Variants in TLE3 observed in about 807,000 individuals in gnomAD.
The protein encoded by TLE3 is TLE family member 3, transcriptional corepressor.
TLE3 carries 14 observed loss-of-function variants against 93.0 expected under a neutral mutation model. The ratio of observed to expected loss-of-function variants is 0.15; its 90% CI spans 0.10 to 0.24. TLE3 has a LOEUF of 0.24. TLE3 is among the 10% of genes least tolerant of loss of function. TLE3 has a pLI of 1.00. For missense variants in TLE3, 693 were observed against 1,046.6 expected (o/e 0.66, Z 4.66); for synonymous variants, 451 against 425.0 (o/e 1.06, Z -0.75).
intron 3 of TLE3, 138 bp downstream of exon 3, chr15:70,095,440 C>T (rs1470590939): frequency 2.0e-6 from 3 of 1,533,464 alleles, no homozygotes; most frequent in African/African-American, 2.8e-5. Flanking sequence ...GAGGGCAAGA[C>T]CAGATTATGC....
intron 1 of TLE3, 31 bp downstream of exon 1, chr15:70,096,744 T>C: frequency 7.4e-6 from 12 of 1,612,398 alleles, no homozygotes; most frequent in Non-Finnish European, 1.0e-5. Flanking sequence ...CCATGATAGA[T>C]GCTTAAATAA....
chr15:70,092,319 C>G (rs2058347695), intron 4 of TLE3, among the ~76,000 whole-genome samples: 1 of 152,222 alleles, frequency 6.6e-6, no homozygotes, highest in Non-Finnish European at 1.5e-5. Context: ...CTCTTTGTTC[C>G]TCCACAGCCA....
chr15:70,065,089 A>T (rs1359742141), intron 7 of TLE3, among the ~76,000 whole-genome samples: 1 of 152,080 alleles, frequency 6.6e-6, no homozygotes, highest in Non-Finnish European at 1.5e-5. Flanking sequence ...TGCCAAAAGG[A>T]CCATCCTACT....
At chr15:70,076,259 C>T in intron 4 of TLE3, 101 bp from the exon 5 acceptor site, 1 of 1,084,456 alleles carries the variant, frequency 9.2e-7, no homozygotes, top group South Asian at 1.3e-5. Flanking sequence ...ACCACAGCCC[C>T]TCTCCACGGG....
At chr15:70,060,500 C>G in intron 9 of TLE3, 30 bp downstream of exon 9, 3 of 1,612,590 alleles carry the variant, frequency 1.9e-6, no homozygotes, top group Non-Finnish European at 2.5e-6. Context: ...CAACAGAAAC[C>G]CCAGTGGTGC....
intron 7 of TLE3, among the ~76,000 whole-genome samples, chr15:70,065,326 G>A (rs2056747160): frequency 6.6e-6 from 1 of 152,258 alleles, no homozygotes; most frequent in African/African-American, 2.4e-5. Flanking sequence ...CCACTCCTGA[G>A]GCCAAGCTCG....
At chr15:70,091,617 G>A (rs2058311821) in intron 4 of TLE3, among the ~76,000 whole-genome samples, 1 of 152,204 alleles carries the variant, frequency 6.6e-6, no homozygotes, top group African/African-American at 2.4e-5. Flanking sequence ...AAGAGCAGGA[G>A]GAGAAACCAT....
chr15:70,057,192 C>T (rs1405035565), intron 13 of TLE3, among the ~76,000 whole-genome samples: 1 of 152,232 alleles, frequency 6.6e-6, no homozygotes, highest in East Asian at 1.9e-4. Flanking sequence ...GTGTCAGCCC[C>T]GTTTTGCAGA....
chr15:70,056,569 G>A (rs1317859605), intron 13 of TLE3, among the ~76,000 whole-genome samples, 195 bp from the exon 14 acceptor site: 3 of 152,146 alleles, frequency 2.0e-5, no homozygotes, highest in African/African-American at 7.2e-5. Context: ...GGGAAGGGGT[G>A]ACAGTGCAGA....
intron 6 of TLE3, among the ~76,000 whole-genome samples, chr15:70,074,065 A>G (rs1044993416): frequency 6.6e-6 from 1 of 152,256 alleles, no homozygotes; most frequent in Admixed American, 6.5e-5. Context: ...ACGTAAACCC[A>G]AATTCCACAG....
intron 16 of TLE3, chr15:70,054,190 C>T (rs189755532): frequency 4.3e-5 from 20 of 464,544 alleles, no homozygotes; most frequent in African/African-American, 3.7e-4. Flanking sequence ...CCTCCACTTC[C>T]CCAGACATGC....
intron 8 of TLE3, among the ~76,000 whole-genome samples, chr15:70,062,177 A>T (rs1255747384): frequency 6.6e-6 from 1 of 152,236 alleles, no homozygotes; most frequent in Admixed American, 6.5e-5. Flanking sequence ...AATGGAGGTT[A>T]TAATGGAACT....
rs1470709769 is a variant in TLE3, at chr15:70,058,648, C to T, written c.918+15G>A. On this transcript the variant is annotated intron_variant, in intron 11 of 19. Transcript: ENST00000451782. The surrounding 1 kb of genome is among the most constrained non-coding windows in gnomAD (Gnocchi z 4.1). ...CCGCTCCCTTCCCACTCCCTTCCAC[C>T]CAGACCCCACATACATGACCAAGGT... 1.3e-6 allele frequency: 2 copies of T among 1,577,156 alleles called. No homozygotes were observed. The highest frequency in any genetic ancestry group is 1.7e-6 in the Non-Finnish European group (2 of 1,160,706).
At chr15:70,052,613 C>T in intron 17 of TLE3, 89 bp from the exon 18 acceptor site, 2 of 1,460,860 alleles carry the variant, frequency 1.4e-6, no homozygotes, top group Non-Finnish European at 1.8e-6. Context: ...CTCAGGTCCT[C>T]TGAGGCTCAG....
chr15:70,095,308 A>G, intron 3 of TLE3: 2 of 1,358,564 alleles, frequency 1.5e-6, no homozygotes, highest in South Asian at 3.3e-5. Flanking sequence ...CTTTCAAAAC[A>G]CAAATTAAAG....
In TLE3 at chr15:70,096,856, G is replaced by C. The variant is rs754718682; in HGVS notation, c.-58C>G. On this transcript the variant is annotated 5_prime_UTR_variant, in exon 1 of 20. Transcript: ENST00000451782. ...AAGCGCCGAGAGCCCGGGCCGGGGA[G>C]GTGCGGGGGAGGGGGGAGCCGAGCC... The C allele has an allele frequency of 1.3e-6, 2 of 1,596,688 alleles. No homozygotes were observed. The highest frequency in any genetic ancestry group is 3.4e-5 in the Admixed American group (2 of 58,770).
At chr15:70,086,606 T>G (rs560083384) in intron 4 of TLE3, among the ~76,000 whole-genome samples, 1 of 152,308 alleles carries the variant, frequency 6.6e-6, no homozygotes, top group African/African-American at 2.4e-5. Flanking sequence ...GGGTCAGCCT[T>G]CCAGCGCAAA....
chr15:70,060,841 T>TC (rs2056426189), intron 8 of TLE3, 192 bp from the exon 9 acceptor site: 2 of 849,444 alleles, frequency 2.4e-6, no homozygotes, highest in Non-Finnish European at 3.7e-6. Flanking sequence ...TGAGACTGAG[T>TC]CCCCGGGGAG....
chr15:70,063,739 G>C (rs562187023), intron 8 of TLE3, among the ~76,000 whole-genome samples: 13 of 152,346 alleles, frequency 8.5e-5, no homozygotes, highest in Admixed American at 7.2e-4. Flanking sequence ...TTATTCACTT[G>C]AAACAGAACC....
Sources: allele counts gnomAD v4.1 joint callset (sites outside exome capture counted in the v4.1 genomes callset), GRCh38; gene constraint gnomAD v4.1.1; non-coding constraint Gnocchi (gnomAD v3.1); transcripts MANE v1.5; gene names NCBI Gene and HGNC (gene_info 2026-07-23, HGNC 2026-07-21).